Variants in OMD observed in about 807,000 individuals in gnomAD.
The protein encoded by OMD is osteomodulin, also known as KSPG osteomodulin.
OMD carries 19 observed loss-of-function variants against 31.2 expected under a neutral mutation model. That is an observed-to-expected ratio of 0.61 (90% confidence interval 0.42 to 0.89). The LOEUF (loss-of-function observed/expected upper bound fraction) is 0.89, where lower values mean the gene tolerates loss of function less well. OMD is among the 40% of genes least tolerant of loss of function. OMD has a pLI of 0.00. For synonymous variants in OMD, 155 were observed against 166.4 expected (o/e 0.93, Z 0.53); for missense variants, 448 against 490.8 (o/e 0.91, Z 0.82).
Position 92,414,493 on chromosome 9 carries a change from T to A in OMD, c.*659A>T, listed in dbSNP as rs1344353061. On this transcript the variant is annotated 3_prime_UTR_variant, in exon 3 of 3. Coordinates refer to ENST00000375550, the MANE Select transcript of OMD (RefSeq NM_005014.3). ...AGTTGTCCAAATACAGCTTTATAATTTTGTTGTTTTGGTATTCTGAGGCAA... is the reference window on the plus strand; with the variant it reads ...AGTTGTCCAAATACAGCTTTATAATATTGTTGTTTTGGTATTCTGAGGCAA... The A allele has an allele frequency of 4.8e-6, 1 of 209,516 alleles. No homozygotes were observed. Among genetic ancestry groups the A allele is most frequent in the Admixed American group, 5.9e-5 (1 of 16,994 alleles). 13.0% of individuals were successfully genotyped at this position (209,516 alleles called of 1,614,324 possible).
chr9:92,423,782 G>A (rs1308179162), intron 1 of OMD, among the ~76,000 whole-genome samples: 2 of 152,072 alleles, frequency 1.3e-5, no homozygotes, highest in African/African-American at 4.8e-5. Flanking sequence ...AGTGAAATTT[G>A]TACAAATGCC....
chr9:92,415,874 T>A (rs1159025130), intron 2 of OMD, among the ~76,000 whole-genome samples: 2 of 146,328 alleles, frequency 1.4e-5, no homozygotes, highest in Non-Finnish European at 3.0e-5. Context: ...ATTATATATT[T>A]CTTCTTTTTT....
In OMD at chr9:92,416,756, T is replaced by C; in HGVS notation, c.803A>G (p.Lys268Arg). ...KLHTLRMSHN[K>R]LQDIPYNIFN... The stretch of plus-strand genomic sequence containing the variant: ...AATATTATATGGGATGTCTTGTAGT[T>C]TGTTGTGTGACATTCTTAGAGTATG... The change falls in exon 2 of 3, where the codon AAA becomes AGA. Residue 268 changes from lysine to arginine, a missense_variant. Transcript: ENST00000375550. 1 of 1,613,812 alleles carries C rather than the reference T, an allele frequency of 6.2e-7. No individual in the cohort carries two copies. The highest frequency in any genetic ancestry group is 8.5e-7 in the Non-Finnish European group (1 of 1,179,762).
intron 1 of OMD, among the ~76,000 whole-genome samples, chr9:92,422,054 C>CT (rs58510878): frequency 0.012 from 1,723 of 146,064 alleles, 32 homozygotes; most frequent in African/African-American, 0.039. Flanking sequence ...AACATATTAA[C>CT]TTTTTTTTTT....
In OMD at chr9:92,416,730, A is replaced by G. The variant is rs781487614; in HGVS notation, c.829T>C (p.Phe277Leu). 16 of 1,613,600 alleles carry G rather than the reference A, an allele frequency of 9.9e-6. No homozygotes were observed. The highest frequency in any genetic ancestry group is 1.4e-5 in the Non-Finnish European group (16 of 1,179,736). Reference protein sequence around the residue: ...NKLQDIPYNIFNLPNIVELSV... With the variant: ...NKLQDIPYNILNLPNIVELSV... ...AGTTCTACAATGTTGGGAAGATTAA[A>G]AATATTATATGGGATGTCTTGTAGT... Residue 277 changes from phenylalanine (F) to leucine (L), a missense_variant, in exon 2 of 3, where the codon TTT becomes CTT. Transcript: ENST00000375550.
chr9:92,423,714 A>G (rs1843882470), intron 1 of OMD, among the ~76,000 whole-genome samples: 1 of 152,116 alleles, frequency 6.6e-6, no homozygotes, highest in Admixed American at 6.5e-5. Flanking sequence ...AAGTAAATGA[A>G]AAGAAAAACA....
At chr9:92,422,701 G>T (rs552706010) in intron 1 of OMD, among the ~76,000 whole-genome samples, 1 of 152,190 alleles carries the variant, frequency 6.6e-6, no homozygotes, top group Non-Finnish European at 1.5e-5. Context: ...GCAGTTTTCT[G>T]TTTTGAAATC....
intron 2 of OMD, 102 bp downstream of exon 2, chr9:92,416,517 A>G (rs1843617164): frequency 1.1e-5 from 8 of 745,718 alleles, no homozygotes; most frequent in Non-Finnish European, 1.7e-5. Context: ...CAAAACAACT[A>G]TTTTCAGCAA....
rs188936403 is a variant in OMD at position 92,413,759 on chromosome 9, G to A, written c.*1393C>T. 5.1e-4 allele frequency among the ~76,000 whole-genome samples: 77 copies of A among 152,218 alleles called. No homozygotes were observed. Among genetic ancestry groups the A allele is most frequent in the Admixed American group, 4.7e-3 (72 of 15,286 alleles). ...AGGACTTGATGAATGTTGATTAGAC[G>A]AATGAATGGAGTTTTCTTCATATTC... On this transcript the variant is annotated 3_prime_UTR_variant, in exon 3 of 3. Coordinates refer to ENST00000375550, the MANE Select transcript of OMD (RefSeq NM_005014.3).
At chr9:92,419,299 C>CTTT (rs34582930) in intron 1 of OMD, among the ~76,000 whole-genome samples, 3 of 117,106 alleles carry the variant, frequency 2.6e-5, no homozygotes, top group Non-Finnish European at 5.1e-5. Flanking sequence ...TGCCTTGTGT[C>CTTT]TTTTTTTTTT....
At position 92,420,738 on chromosome 9, in the gene OMD, T is replaced by C. The variant is rs538699824; in HGVS notation, c.-16-3164A>G. ...CTACAAGAAAATGCCAAAATAGCAA[T>C]GGTTTGGGTTTTGTTTTTGTTTTTT... On this transcript the variant is annotated intron_variant, in intron 1 of 2. Coordinates refer to ENST00000375550, the MANE Select transcript of OMD (RefSeq NM_005014.3). Among the ~76,000 whole-genome samples the C allele has an allele frequency of 5.3e-5, 8 of 152,160 alleles. No homozygotes were observed. The South Asian group carries it at 1.7e-3, about 32-fold the overall frequency.
rs1206869275 is a variant in OMD, at chr9:92,417,484, A to G, written c.75T>C (p.Tyr25=). The G allele has an allele frequency of 1.9e-6, 3 of 1,613,806 alleles. No homozygotes were observed. Among genetic ancestry groups the G allele is most frequent in the African/African-American group, 2.7e-5 (2 of 74,948 alleles). ...CTTGGTCATAGTCTTCATCCCACTG[A>G]TAAGTTTCATATTGGCAATGTACTT... ...GVKVHCQYET[Y]QWDEDYDQEP... Residue 25 remains tyrosine, a synonymous_variant, in exon 2 of 3, where the codon TAT becomes TAC. Coordinates refer to ENST00000375550, the MANE Select transcript of OMD (RefSeq NM_005014.3).
chr9:92,416,093 TA>T (rs1843599283), intron 2 of OMD, among the ~76,000 whole-genome samples: 1 of 142,292 alleles, frequency 7.0e-6, no homozygotes, highest in African/African-American at 2.5e-5. Context: ...TTTATTTATT[TA>T]TTTATTTTAT....
rs373352424 is a variant in OMD, at chr9:92,413,262, C to T, written c.*1890G>A. 3.2e-4 allele frequency among the ~76,000 whole-genome samples: 49 copies of T among 152,194 alleles called. No homozygotes were observed. The South Asian group carries it at 8.7e-3, about 27-fold the overall frequency. On this transcript the variant is annotated 3_prime_UTR_variant, in exon 3 of 3. Transcript: ENST00000375550. The stretch of plus-strand genomic sequence containing the variant: ...TCGGCCTTCCAAAGTGCTGGGATTA[C>T]AGGTGTGAGCTAATGCGCCCGACTA...
rs1843527456 is a variant in OMD at position 92,414,399 on chromosome 9, A to T, written c.*753T>A. 1 of 204,360 alleles carries T rather than the reference A, an allele frequency of 4.9e-6. No individual in the cohort carries two copies. The highest frequency in any genetic ancestry group is 2.3e-5 in the African/African-American group (1 of 43,790). 12.7% of individuals were successfully genotyped at this position (204,360 alleles called of 1,614,324 possible). On this transcript the variant is annotated 3_prime_UTR_variant, in exon 3 of 3. Transcript: ENST00000375550. The stretch of plus-strand genomic sequence containing the variant: ...TATCCCAGTTAAAATGGAACACAAT[A>T]ACATTGTTTAGGATAGTTGCTGAAA...
chr9:92,423,797 A>G (rs1417002445), intron 1 of OMD, among the ~76,000 whole-genome samples: 1 of 152,164 alleles, frequency 6.6e-6, no homozygotes, highest in Non-Finnish European at 1.5e-5. Flanking sequence ...AATGCCCATC[A>G]ACCCCCCAAC....
Position 92,415,159 on chromosome 9 carries a change from T to G in OMD, c.1259A>C (p.Gln420Pro), listed in dbSNP as rs1843551608. 6.2e-7 allele frequency: 1 copy of G among 1,602,804 alleles called. No homozygotes were observed. The highest frequency in any genetic ancestry group is 1.3e-5 in the African/African-American group (1 of 74,152). Residue 420 changes from glutamine to proline, a missense_variant, in exon 3 of 3, where the codon CAA becomes CCA. Physicochemically the swap from Gln to Pro is moderately conservative, Grantham distance 76. Transcript: ENST00000375550. ...TACCTATATAGTTTCTTGCTATTCTTGATTTTCATAATAATGAAGGTCAAA... is the reference window on the plus strand; with the variant it reads ...TACCTATATAGTTTCTTGCTATTCTGGATTTTCATAATAATGAAGGTCAAA... ...GHFDLHYYEN[Q>P]E
chr9:92,419,369 C>T (rs567408247), intron 1 of OMD, among the ~76,000 whole-genome samples: 6 of 145,718 alleles, frequency 4.1e-5, no homozygotes, highest in Non-Finnish European at 7.4e-5. Flanking sequence ...GGTGCGATCT[C>T]GGCTCACTGC....
chr9:92,422,904 A>G (rs1279401242), intron 1 of OMD, among the ~76,000 whole-genome samples: 1 of 152,152 alleles, frequency 6.6e-6, no homozygotes, highest in Non-Finnish European at 1.5e-5. Flanking sequence ...CTTGTTCTCT[A>G]TAGGATAACT....
Sources: allele counts gnomAD v4.1 joint callset (sites outside exome capture counted in the v4.1 genomes callset), GRCh38; gene constraint gnomAD v4.1.1; transcripts MANE v1.5; gene names NCBI Gene and HGNC (gene_info 2026-07-23, HGNC 2026-07-21).